PGS1: variants seen among roughly 807,000 people sequenced by gnomAD.
PGS1 encodes CDP-diacylglycerol--glycerol-3-phosphate 3-phosphatidyltransferase, mitochondrial.
PGS1 carries 44 observed loss-of-function variants against 58.3 expected under a neutral mutation model. The observed-to-expected ratio is 0.75, with a 90% CI of 0.59 to 0.97. PGS1 has a LOEUF of 0.97. PGS1 is among the 50% of genes least tolerant of loss of function. The pLI, the probability that PGS1 is intolerant of heterozygous loss-of-function variation, is 0.00. For missense variants in PGS1, 684 were observed against 731.1 expected, an observed-to-expected ratio of 0.94 and a Z score of 0.74; for synonymous variants, 330 against 311.0, an observed-to-expected ratio of 1.06 and a Z score of -0.64.
At chr17:78,397,041 C>CT (rs2083278334) in intron 3 of PGS1, among the ~76,000 whole-genome samples, 1 of 152,208 alleles carries the variant, frequency 6.6e-6, no homozygotes, top group Non-Finnish European at 1.5e-5. Context: ...CTGCCAAGGG[C>CT]TGGTGTCAAG....
chr17:78,380,707 C>G (rs1281100598), intron 1 of PGS1, among the ~76,000 whole-genome samples: 1 of 152,158 alleles, frequency 6.6e-6, no homozygotes, highest in Non-Finnish European at 1.5e-5. Context: ...TCATTTCCCT[C>G]TATATGTTTA....
chr17:78,408,364 C>T (rs1165138202), intron 7 of PGS1, among the ~76,000 whole-genome samples: 1 of 152,156 alleles, frequency 6.6e-6, no homozygotes, highest in African/African-American at 2.4e-5. Flanking sequence ...TCCACATTTA[C>T]CTGTGGCCAC....
intron 2 of PGS1, among the ~76,000 whole-genome samples, chr17:78,393,192 C>G (rs976699498): frequency 1.3e-5 from 2 of 152,070 alleles, no homozygotes; most frequent in African/African-American, 4.8e-5. Flanking sequence ...TCCCGCATAG[C>G]TGGGACTACA....
intron 1 of PGS1, among the ~76,000 whole-genome samples, chr17:78,389,143 A>G (rs530560462): frequency 3.4e-4 from 45 of 132,382 alleles, no homozygotes; most frequent in Admixed American, 5.6e-4. Context: ...GCTCACTGCA[A>G]CCTCTGGCGC....
At chr17:78,386,931 G>A (rs2082424436) in intron 1 of PGS1, among the ~76,000 whole-genome samples, 1 of 152,102 alleles carries the variant, frequency 6.6e-6, no homozygotes, top group South Asian at 2.1e-4. Context: ...TGGCTGATGT[G>A]TTGCAGTTAG....
In PGS1 at chr17:78,392,613, G is replaced by A; in HGVS notation, c.281G>A (p.Ser94Asn). The A allele has an allele frequency of 6.2e-7, 1 of 1,614,228 alleles. No individual in the cohort carries two copies. Among genetic ancestry groups the A allele is most frequent in the African/African-American group, 1.3e-5 (1 of 75,060 alleles). The part of the protein sequence containing the change: ...RNLVPEFGVS[S>N]SHVRVLSSPA... Reference sequence around the variant, plus strand: ...CTGGTTCCAGAATTTGGAGTCTCCAGTTCTCACGTTAGGGTGCTTTCTTCC... The same window carrying A: ...CTGGTTCCAGAATTTGGAGTCTCCAATTCTCACGTTAGGGTGCTTTCTTCC... The change falls in exon 2 of 10, where the codon AGT becomes AAT. Residue 94 changes from serine (S) to asparagine (N), a missense_variant. Ser to Asn is a conservative substitution (Grantham distance 46, BLOSUM62 1). Coordinates refer to ENST00000262764, the MANE Select transcript of PGS1 (RefSeq NM_024419.5).
chr17:78,414,817 T>G (rs1271454920), intron 7 of PGS1, 62 bp from the exon 8 acceptor site: 2 of 1,580,958 alleles, frequency 1.3e-6, no homozygotes, highest in Non-Finnish European at 1.7e-6. Flanking sequence ...CAGCAGCGTG[T>G]GGAGAGGACT....
At chr17:78,398,100 A>C (rs865899644) in intron 3 of PGS1, 152 bp from the exon 4 acceptor site, 1 of 730,798 alleles carries the variant, frequency 1.4e-6, no homozygotes, top group African/African-American at 1.7e-5. Context: ...TCAGACAGAT[A>C]GCTTTTGTGG....
chr17:78,389,700 G>T (rs1230067995), intron 1 of PGS1, among the ~76,000 whole-genome samples: 2 of 151,946 alleles, frequency 1.3e-5, no homozygotes, highest in African/African-American at 4.8e-5. Context: ...TGCAACCTCC[G>T]CCTCCTGGGT....
intron 7 of PGS1, among the ~76,000 whole-genome samples, chr17:78,408,550 C>G (rs528465420): frequency 3.9e-5 from 6 of 152,140 alleles, no homozygotes; most frequent in Non-Finnish European, 7.3e-5. Flanking sequence ...CACTGGGGGC[C>G]GAGGGCTGCT....
chr17:78,389,638 A>C (rs2082674139), intron 1 of PGS1, among the ~76,000 whole-genome samples: 2 of 147,016 alleles, frequency 1.4e-5, no homozygotes, highest in Non-Finnish European at 3.0e-5. Flanking sequence ...TTTTGAGACG[A>C]AGTCTCACTC....
intron 1 of PGS1, among the ~76,000 whole-genome samples, chr17:78,386,271 G>C (rs565529941): frequency 3.3e-5 from 5 of 152,186 alleles, no homozygotes; most frequent in Non-Finnish European, 7.3e-5. Context: ...GGTTGTTGCT[G>C]AGGTTGGTGT....
At position 78,378,671 on chromosome 17, in the gene PGS1, G is replaced by T; in HGVS notation, c.6G>T (p.Ala2=). Residue 2 remains alanine (A), a synonymous_variant, in exon 1 of 10, where the codon GCG becomes GCT. Coordinates refer to ENST00000262764, the MANE Select transcript of PGS1 (RefSeq NM_024419.5). M[A]VAAAAAAGPV... ...AGCGGAAGCGGCGAGTCTCCATGGCGGTGGCGGCGGCAGCTGCGGCGGGAC... is the reference window on the plus strand; with the variant it reads ...AGCGGAAGCGGCGAGTCTCCATGGCTGTGGCGGCGGCAGCTGCGGCGGGAC... The T allele has an allele frequency of 8.5e-6, 13 of 1,534,192 alleles. No individual in the cohort carries two copies. The highest frequency in any genetic ancestry group is 1.2e-5 in the South Asian group (1 of 83,054).
At chr17:78,419,914 T>A in intron 9 of PGS1, 1 of 1,242,332 alleles carries the variant, frequency 8.0e-7, no homozygotes, top group Non-Finnish European at 1.0e-6. Context: ...AAGGCGCCTG[T>A]GCTGGGGTCG....
chr17:78,392,045 C>G (rs1354116288), intron 1 of PGS1, among the ~76,000 whole-genome samples: 1 of 152,230 alleles, frequency 6.6e-6, no homozygotes, highest in Admixed American at 6.5e-5. Flanking sequence ...TTCTGCCAGA[C>G]TTACCCTTCT....
intron 3 of PGS1, 89 bp from the exon 4 acceptor site, chr17:78,398,160 CGAG>C: frequency 1.1e-6 from 1 of 889,730 alleles, no homozygotes; most frequent in South Asian, 1.3e-5. Context: ...GAGAAGATGA[CGAG>C]GGCACTAGCC....
intron 1 of PGS1, among the ~76,000 whole-genome samples, chr17:78,383,669 T>TA (rs1242727719): frequency 1.3e-5 from 2 of 152,256 alleles, no homozygotes; most frequent in Non-Finnish European, 2.9e-5. Context: ...GAGTTTAGTA[T>TA]AACCATCTCT....
chr17:78,417,826 C>T (rs1287183267), intron 8 of PGS1, among the ~76,000 whole-genome samples: 1 of 150,730 alleles, frequency 6.6e-6, no homozygotes, highest in Non-Finnish European at 1.5e-5. Context: ...CGCTGCCAGG[C>T]GCCCCACTGA....
chr17:78,423,556 T>C (rs72903322), intron 9 of PGS1: 42,829 of 280,512 alleles, frequency 0.15, 3,636 homozygotes, highest in Middle Eastern at 0.19. Context: ...AAAAGCAAAC[T>C]CCACTGACCC....
Sources: gnomAD v4.1 joint callset for allele counts (sites outside exome capture counted in the v4.1 genomes callset) on GRCh38, gnomAD v4.1.1 for gene constraint, MANE v1.5 for transcripts, NCBI Gene and HGNC (gene_info 2026-07-23, HGNC 2026-07-21) for gene names.